CDH9: variants seen among roughly 807,000 people sequenced by gnomAD.
CDH9 encodes cadherin 9, also known as cadherin-9.
Under a neutral mutation model 70.9 loss-of-function variants are expected in CDH9, and 28 were observed. The ratio of observed to expected loss-of-function variants is 0.40; its 90% CI spans 0.29 to 0.54. The LOEUF (loss-of-function observed/expected upper bound fraction) is 0.54, where lower values mean the gene tolerates loss of function less well. Among genes scored for constraint, CDH9 ranks in the 20% least tolerant of loss-of-function variants. CDH9 has a pLI of 0.59. For synonymous variants in CDH9, 409 were observed against 343.1 expected, an observed-to-expected ratio of 1.19 and a Z score of -2.12; for missense variants, 874 against 984.4, an observed-to-expected ratio of 0.89 and a Z score of 1.50.
At chr5:26,905,903 G>T (rs1000694494) in intron 5 of CDH9, 56 bp downstream of exon 5, 1 of 1,288,444 alleles carries the variant, frequency 7.8e-7, no homozygotes, top group African/African-American at 1.5e-5. Context: ...TATTAAACTC[G>T]GCTACTAGTG....
At chr5:26,940,627 G>C (rs879540109) in intron 2 of CDH9, among the ~76,000 whole-genome samples, 1 of 152,134 alleles carries the variant, frequency 6.6e-6, no homozygotes, top group Non-Finnish European at 1.5e-5. Context: ...AGATATCCAG[G>C]AATTATTGCT....
At chr5:26,931,986 C>T (rs1338352502) in intron 2 of CDH9, among the ~76,000 whole-genome samples, 1 of 151,988 alleles carries the variant, frequency 6.6e-6, no homozygotes, top group African/African-American at 2.4e-5. Flanking sequence ...AAGATAATTA[C>T]AAATAAATGT....
intron 7 of CDH9, among the ~76,000 whole-genome samples, chr5:26,894,630 A>G (rs1740715326): frequency 6.6e-6 from 1 of 152,068 alleles, no homozygotes; most frequent in African/African-American, 2.4e-5. Context: ...CCAAACTTCT[A>G]TTTTCACCCA....
intron 1 of CDH9, among the ~76,000 whole-genome samples, chr5:27,009,495 G>A (rs1248128661): frequency 6.6e-6 from 1 of 152,070 alleles, no homozygotes. Flanking sequence ...GGCAGAAAAA[G>A]TATTCAATTT....
chr5:26,999,483 C>T (rs978034179), intron 1 of CDH9, among the ~76,000 whole-genome samples: 6 of 152,006 alleles, frequency 3.9e-5, no homozygotes, highest in Admixed American at 3.3e-4. Context: ...TCCAAACTTG[C>T]TATGTAGGTA....
intron 1 of CDH9, among the ~76,000 whole-genome samples, chr5:26,994,241 T>C (rs1742629084): frequency 6.6e-6 from 1 of 152,190 alleles, no homozygotes; most frequent in Non-Finnish European, 1.5e-5. Context: ...AGAGTTGATG[T>C]TGGAATAAGT....
chr5:26,894,463 T>C (rs1740712646), intron 7 of CDH9, among the ~76,000 whole-genome samples: 1 of 152,094 alleles, frequency 6.6e-6, no homozygotes, highest in South Asian at 2.1e-4. Flanking sequence ...TTTTTCACTT[T>C]AAGAATTCAT....
intron 2 of CDH9, among the ~76,000 whole-genome samples, chr5:26,942,253 A>C (rs1741674696): frequency 6.6e-6 from 1 of 152,148 alleles, no homozygotes; most frequent in South Asian, 2.1e-4. Flanking sequence ...TATCACAAGA[A>C]CAGCAGCATG....
chr5:26,889,890 C>T lies in CDH9; in HGVS notation c.1458G>A (p.Pro486=), dbSNP rs35631322. ...IRILDINDHA[P]EFAMYYETFV... ...ATGTTTCATAATACATGGCAAATTC[C>T]GGAGCATGGTCATTTATATCTAGAA... The change falls in exon 9 of 12, where the codon CCG becomes CCA. Residue 486 remains proline (P), a synonymous_variant. Transcript: ENST00000231021. 2,097 of 1,603,438 alleles carry T rather than the reference C, an allele frequency of 1.3e-3. 22 individuals carry two copies. In the African/African-American group the frequency reaches 0.025, roughly 19 times the overall value.
chr5:26,961,600 C>T (rs567032403), intron 2 of CDH9, among the ~76,000 whole-genome samples: 113 of 152,214 alleles, frequency 7.4e-4, no homozygotes, highest in African/African-American at 2.6e-3. Context: ...TTTTCCTCAT[C>T]TTGGTTGTTT....
At chr5:26,891,079 C>T (rs1442389609) in intron 7 of CDH9, among the ~76,000 whole-genome samples, 2 of 152,076 alleles carry the variant, frequency 1.3e-5, no homozygotes, top group African/African-American at 2.4e-5. Context: ...CTACTCTATC[C>T]CTCCAACTTA....
chr5:26,880,663 T>C lies in CDH9; in HGVS notation c.*473A>G, dbSNP rs1179968346. 1 of 152,476 alleles carries C rather than the reference T, an allele frequency of 6.6e-6. No homozygotes were observed. Among genetic ancestry groups the C allele is most frequent in the Non-Finnish European group, 1.5e-5 (1 of 67,986 alleles). 9.4% of individuals were successfully genotyped at this position (152,476 alleles called of 1,614,324 possible). ...ATATAAATATACATTTATAAAAATA[T>C]GAATGAATTAACACAAAGACATTCT... On this transcript the variant is annotated 3_prime_UTR_variant, in exon 12 of 12. Coordinates refer to ENST00000231021, the MANE Select transcript of CDH9 (RefSeq NM_016279.4).
rs1740873534 is a variant in CDH9, at chr5:26,902,525, T to C, written c.1204A>G (p.Ile402Val). The change falls in exon 7 of 12, where the codon ATT becomes GTT. Residue 402 changes from isoleucine to valine, a missense_variant. Ile to Val is a conservative substitution (Grantham distance 29, BLOSUM62 3). Transcript: ENST00000231021. ...VDEDVKEGSI[I>V]GQVTAYDPDA... ...GGATCGTATGCTGTAACCTGTCCAA[T>C]GATACTGCCCTCCTTTACATCTTCA... The C allele has an allele frequency of 1.2e-6, 2 of 1,603,152 alleles. No homozygotes were observed. The highest frequency in any genetic ancestry group is 1.3e-5 in the African/African-American group (1 of 74,648).
In CDH9 at chr5:26,957,046, T is replaced by C. The variant is rs1236608898; in HGVS notation, c.228+31060A>G. The stretch of plus-strand genomic sequence containing the variant: ...CACTTTGGCCATTTAATTACTTTGA[T>C]ACCCTGAGTATTTATTTTTTAATTT... On this transcript the variant is annotated intron_variant, in intron 2 of 11. Coordinates refer to ENST00000231021, the MANE Select transcript of CDH9 (RefSeq NM_016279.4). Among the ~76,000 whole-genome samples the C allele has an allele frequency of 3.3e-5, 5 of 150,376 alleles. No individual in the cohort carries two copies. In the East Asian group the frequency reaches 9.8e-4, roughly 29 times the overall value.
chr5:26,965,569 C>A (rs930993008), intron 2 of CDH9, among the ~76,000 whole-genome samples: 40 of 122,992 alleles, frequency 3.3e-4, no homozygotes, highest in African/African-American at 1.3e-3. Flanking sequence ...GAGTGAGACT[C>A]TGTCTTAATA....
Position 26,920,128 on chromosome 5 carries a change from T to G in CDH9, c.229-4204A>C, listed in dbSNP as rs907436268. ...CTTGAACAGCATTTCTGAACCTGCC[T>G]GGGGACAGAAGGAAGCCCACTTCCC... On this transcript the variant is annotated intron_variant, in intron 2 of 11. Transcript: ENST00000231021. 3.3e-5 allele frequency among the ~76,000 whole-genome samples: 5 copies of G among 151,842 alleles called. No individual in the cohort carries two copies. In the South Asian group the frequency reaches 1.0e-3, roughly 31 times the overall value.
At chr5:26,998,619 T>C (rs949312013) in intron 1 of CDH9, among the ~76,000 whole-genome samples, 9 of 152,160 alleles carry the variant, frequency 5.9e-5, no homozygotes, top group Middle Eastern at 3.4e-3. Context: ...TTTGGAGATA[T>C]ACTTAATGTT....
chr5:26,881,132 C>G lies in CDH9; in HGVS notation c.*4G>C. The G allele has an allele frequency of 6.3e-7, 1 of 1,590,552 alleles. No individual in the cohort carries two copies. The highest frequency in any genetic ancestry group is 8.6e-7 in the Non-Finnish European group (1 of 1,168,416). ...ACTAATATTGATTAAGTCAAACAAT[C>G]CTCTTAGTCTCGGTCACTATCATCA... On this transcript the variant is annotated 3_prime_UTR_variant, in exon 12 of 12. Transcript: ENST00000231021.
At chr5:26,930,863 C>T (rs1051603450) in intron 2 of CDH9, among the ~76,000 whole-genome samples, 3 of 152,156 alleles carry the variant, frequency 2.0e-5, no homozygotes, top group Middle Eastern at 3.4e-3. Context: ...GTGTGTTTCA[C>T]TTCAGCCATA....
Sources: allele counts gnomAD v4.1 joint callset (sites outside exome capture counted in the v4.1 genomes callset), GRCh38; gene constraint gnomAD v4.1.1; transcripts MANE v1.5; gene names NCBI Gene and HGNC (gene_info 2026-07-23, HGNC 2026-07-21).